UTS2B: variants seen among roughly 807,000 people sequenced by gnomAD.
UTS2B encodes the protein urotensin 2B, also known as urotensin-2B.
A neutral mutation model predicts 19.2 loss-of-function variants in UTS2B; 21 were observed. The ratio of observed to expected loss-of-function variants is 1.09; its 90% confidence interval spans 0.78 to 1.58. The LOEUF is 1.58. Among genes scored for constraint, UTS2B ranks in the 40% most tolerant of loss-of-function variants. The pLI is 0.00. For synonymous variants in UTS2B, 57 were observed against 50.2 expected (o/e 1.14, Z -0.58); for missense variants, 138 against 130.3 (o/e 1.06, Z -0.29).
chr3:191,331,363 A>G (rs566692491), upstream of UTS2B, among the ~76,000 whole-genome samples: 3 of 152,220 alleles, frequency 2.0e-5, no homozygotes, highest in Non-Finnish European at 4.4e-5. Context: ...TCGTACCAAG[A>G]CATGAATGAT....
At chr3:191,306,458 C>A (rs1717144073) in intron 3 of UTS2B, among the ~76,000 whole-genome samples, 1 of 151,728 alleles carries the variant, frequency 6.6e-6, no homozygotes, top group African/African-American at 2.4e-5. Context: ...CATTTTAATC[C>A]CTCCTTCCCA....
the UTS2B span, among the ~76,000 whole-genome samples, chr3:191,336,985 G>A: frequency 6.6e-6 from 1 of 152,282 alleles, no homozygotes; most frequent in South Asian, 2.1e-4. Flanking sequence ...GTTTTGTGAT[G>A]TGAAAATTGT....
chr3:191,282,127 A>T lies in UTS2B; in HGVS notation c.63T>A (p.Ser21Arg), dbSNP rs1348777224. Reference sequence around the variant, plus strand: ...GTCGTCCATGCACAGATTGTAAAAAACTCAACACGGATAACAAAGTTAGGA... The same window carrying T: ...GTCGTCCATGCACAGATTGTAAAAATCTCAACACGGATAACAAAGTTAGGA... ...FGLLTLLSVLSFLQSVHGRPY... is the reference protein window; with the variant it reads ...FGLLTLLSVLRFLQSVHGRPY... The change falls in exon 5 of 9, where the codon AGT (serine) becomes AGA (arginine). Residue 21 changes from serine (S) to arginine (R), a missense_variant. Coordinates refer to ENST00000340524, the MANE Select transcript of UTS2B (RefSeq NM_198152.5). The T allele has an allele frequency of 6.2e-7, 1 of 1,613,350 alleles. No individual in the cohort carries two copies. The highest frequency in any genetic ancestry group is 1.7e-5 in the Admixed American group (1 of 59,974).
chr3:191,340,607 A>C, the UTS2B span, among the ~76,000 whole-genome samples: 1 of 152,204 alleles, frequency 6.6e-6, no homozygotes, highest in African/African-American at 2.4e-5. Flanking sequence ...TAATCTTCAC[A>C]TAGAATTCTA....
chr3:191,319,442 T>C (rs541867317), intron 2 of UTS2B, among the ~76,000 whole-genome samples: 51 of 152,352 alleles, frequency 3.3e-4, no homozygotes, highest in Non-Finnish European at 5.1e-4. Flanking sequence ...GTATAGCAAA[T>C]GTCCCTCACG....
At chr3:191,317,763 A>C (rs570017726) in intron 2 of UTS2B, among the ~76,000 whole-genome samples, 1 of 152,130 alleles carries the variant, frequency 6.6e-6, no homozygotes, top group Non-Finnish European at 1.5e-5. Flanking sequence ...TATTTTTAGT[A>C]GAGACGGTGT....
chr3:191,296,414 A>G (rs1716859635), intron 4 of UTS2B, among the ~76,000 whole-genome samples: 1 of 152,134 alleles, frequency 6.6e-6, no homozygotes. Context: ...TTTCCTCAAC[A>G]GCTCATATCT....
chr3:191,345,969 A>C, the UTS2B span, among the ~76,000 whole-genome samples: 1 of 152,190 alleles, frequency 6.6e-6, no homozygotes, highest in Non-Finnish European at 1.5e-5. Context: ...AACTGAATTT[A>C]CTTGTACAGT....
At chr3:191,301,328 G>T (rs894461540) in intron 4 of UTS2B, among the ~76,000 whole-genome samples, 2 of 152,150 alleles carry the variant, frequency 1.3e-5, no homozygotes, top group East Asian at 1.9e-4. Context: ...TTGAGTCACA[G>T]TGCCACTACC....
intron 4 of UTS2B, among the ~76,000 whole-genome samples, chr3:191,292,379 T>C (rs1052982861): frequency 1.3e-5 from 2 of 152,238 alleles, no homozygotes; most frequent in Admixed American, 1.3e-4. Flanking sequence ...GTGGAATTAC[T>C]TTCTTAATTT....
At chr3:191,300,385 A>T (rs1372170955) in intron 4 of UTS2B, among the ~76,000 whole-genome samples, 1 of 152,168 alleles carries the variant, frequency 6.6e-6, no homozygotes, top group Non-Finnish European at 1.5e-5. Flanking sequence ...TCCCTTTTGG[A>T]ATGGGAGTAT....
chr3:191,307,837 CTTTT>C (rs34254108), intron 3 of UTS2B, among the ~76,000 whole-genome samples: 2 of 138,416 alleles, frequency 1.4e-5, no homozygotes, highest in African/African-American at 2.7e-5. Context: ...GTTTTCTTCT[CTTTT>C]TTTTTTTTTT....
intron 4 of UTS2B, among the ~76,000 whole-genome samples, chr3:191,301,572 C>T (rs1288814956): frequency 2.1e-5 from 3 of 146,134 alleles, no homozygotes; most frequent in Non-Finnish European, 4.5e-5. Flanking sequence ...CTGCAAGCTC[C>T]GCCGCCTGGG....
intron 8 of UTS2B, among the ~76,000 whole-genome samples, chr3:191,274,344 T>C (rs1459241150): frequency 6.6e-6 from 1 of 152,236 alleles, no homozygotes; most frequent in African/African-American, 2.4e-5. Flanking sequence ...TAAGCTTACA[T>C]AGTACTTACT....
Position 191,278,170 on chromosome 3 carries a change from C to A in UTS2B, c.104G>T (p.Gly35Val). The A allele has an allele frequency of 1.3e-6, 2 of 1,486,582 alleles. No homozygotes were observed. The highest frequency in any genetic ancestry group is 2.6e-5 in the South Asian group (2 of 77,972). 92.1% of individuals were successfully genotyped at this position (1,486,582 alleles called of 1,614,324 possible). A position where few individuals can be genotyped will look rare whatever the true frequency, so the allele number is the denominator to read the frequency against. Reference sequence around the variant, plus strand: ...TTTTTTATCTGGAAATATTTCATTTCCTATAATGATCAAAAACCACCATTT... The same window carrying A: ...TTTTTTATCTGGAAATATTTCATTTACTATAATGATCAAAAACCACCATTT... ...SVHGRPYLTQ[G>V]NEIFPDKKYT... The change falls in exon 6 of 9, where the codon GGA (glycine) becomes GTA (valine). Residue 35 changes from glycine to valine, a missense_variant and splice_region_variant. Physicochemically the swap from Gly to Val is moderately radical, Grantham distance 109. Transcript: ENST00000340524.
rs144608412 is a variant in UTS2B at position 191,328,990 on chromosome 3, A to G, written c.-664-281T>C. On this transcript the variant is annotated intron_variant, in intron 1 of 8. Coordinates refer to ENST00000340524, the MANE Select transcript of UTS2B (RefSeq NM_198152.5). The stretch of plus-strand genomic sequence containing the variant: ...TCTCTCCTCTAATTCCGGGTGCAAA[A>G]AGAGTGTATGAGAGAGAGGCAAGCA... 219 of 152,350 alleles carry G rather than the reference A, an allele frequency of 1.4e-3. 1 individual carries two copies. The highest frequency in any genetic ancestry group is 6.8e-3 in the Middle Eastern group (2 of 294). 9.4% of individuals were successfully genotyped at this position (152,350 alleles called of 1,614,324 possible).
intron 2 of UTS2B, among the ~76,000 whole-genome samples, chr3:191,316,847 C>A (rs950158656): frequency 6.6e-6 from 1 of 152,250 alleles, no homozygotes; most frequent in Non-Finnish European, 1.5e-5. Flanking sequence ...CATCCACAAA[C>A]CCCCAGCTAG....
At chr3:191,332,400 G>T (rs1718021059), upstream of UTS2B, among the ~76,000 whole-genome samples, 1 of 152,162 alleles carries the variant, frequency 6.6e-6, no homozygotes, top group African/African-American at 2.4e-5. Flanking sequence ...AAAGAATCAA[G>T]TCAACTAAGT....
intron 4 of UTS2B, among the ~76,000 whole-genome samples, chr3:191,284,022 C>A (rs116129247): frequency 6.6e-6 from 1 of 151,914 alleles, no homozygotes; most frequent in Non-Finnish European, 1.5e-5. Flanking sequence ...TGTATAATTA[C>A]AAGTCATATA....
Sources: allele counts gnomAD v4.1 joint callset (sites outside exome capture counted in the v4.1 genomes callset), GRCh38; gene constraint gnomAD v4.1.1; transcripts MANE v1.5; gene names NCBI Gene and HGNC (gene_info 2026-07-23, HGNC 2026-07-21).